Variants in NUP153 observed in about 807,000 individuals in gnomAD.
NUP153 encodes nucleoporin 153.
Under a neutral mutation model 134.6 loss-of-function variants are expected in NUP153, and 27 were observed. The ratio of observed to expected loss-of-function variants is 0.20; its 90% CI spans 0.15 to 0.28. The LOEUF (loss-of-function observed/expected upper bound fraction) is 0.28, where lower values mean the gene tolerates loss of function less well. Ranked by LOEUF, NUP153 falls within the 10% of genes least tolerant of loss-of-function variation. The probability of loss-of-function intolerance (pLI) is 1.00; values close to 1 mark genes in which losing one functional copy is unlikely to be tolerated. For missense variants in NUP153, 1,821 were observed against 1,731.3 expected, an observed-to-expected ratio of 1.05 and a Z score of -0.92; for synonymous variants, 640 against 623.5, an observed-to-expected ratio of 1.03 and a Z score of -0.40.
Position 17,625,994 on chromosome 6 carries a change from C to T in NUP153, c.3715G>A (p.Ala1239Thr). 5.6e-6 allele frequency: 9 copies of T among 1,614,198 alleles called. No individual in the cohort carries two copies. Among genetic ancestry groups the T allele is most frequent in the Non-Finnish European group, 7.6e-6 (9 of 1,180,038 alleles). The change falls in exon 19 of 22, where the codon GCC becomes ACC. Residue 1239 changes from alanine to threonine, a missense_variant. Coordinates refer to ENST00000262077, the MANE Select transcript of NUP153 (RefSeq NM_005124.4). The surrounding 1 kb of genome is among the most constrained non-coding windows in gnomAD (Gnocchi z 4.7). ...CTGGATTCAGCAGTGTTACCAAAGG[C>T]AGAGCTGCTCACAGGATTGCTGGAC... ...GQSSNPVSSS[A>T]FGNTAESSTS...
At position 17,703,216 on chromosome 6, in the gene NUP153, T is replaced by TA. The variant is rs953417967; in HGVS notation, c.111+3060dup. ...CCATCTCAAAAAAAAAAAAAAAAAT[T>TA]AAAAAAAAAATAAGTTAAAGAAGGA... On this transcript the variant is annotated intron_variant, in intron 1 of 21. Coordinates refer to ENST00000262077, the MANE Select transcript of NUP153 (RefSeq NM_005124.4). Among the ~76,000 whole-genome samples, 235 of 141,510 alleles carry TA rather than the reference T, an allele frequency of 1.7e-3. 2 individuals are homozygous for TA. In the East Asian group the frequency reaches 0.023, roughly 14 times the overall value. 92.8% of individuals were successfully genotyped at this position (141,510 alleles called of 152,430 possible). A position where few individuals can be genotyped will look rare whatever the true frequency, so the allele number is the denominator to read the frequency against.
At chr6:17,631,727 G>A (rs1293861295) in intron 17 of NUP153, among the ~76,000 whole-genome samples, 1 of 152,052 alleles carries the variant, frequency 6.6e-6, no homozygotes, top group African/African-American at 2.4e-5. Context: ...AGCACTTTGG[G>A]AGGCCGAGGC....
intron 11 of NUP153, among the ~76,000 whole-genome samples, chr6:17,657,262 C>G (rs1018946173): frequency 6.6e-6 from 1 of 151,838 alleles, no homozygotes; most frequent in South Asian, 2.1e-4. Flanking sequence ...TATTTTCTGG[C>G]TAGGCACAGT....
Position 17,625,693 on chromosome 6 carries a change from C to CA in NUP153, c.3901+114dup. ...TTAAAACAACCCTGGTATAGATGAC[C>CA]AAAAGGCATTCCCACCATTTTGTGA... On this transcript the variant is annotated intron_variant, in intron 19 of 21. Coordinates refer to ENST00000262077, the MANE Select transcript of NUP153 (RefSeq NM_005124.4). The surrounding 1 kb of genome is among the most constrained non-coding windows in gnomAD (Gnocchi z 4.7). The CA allele has an allele frequency of 2.5e-6, 2 of 793,160 alleles. No homozygotes were observed. Among genetic ancestry groups the CA allele is most frequent in the East Asian group, 2.5e-5 (1 of 40,544 alleles). 49.1% of individuals were successfully genotyped at this position (793,160 alleles called of 1,614,324 possible). A position where few individuals can be genotyped will look rare whatever the true frequency, so the allele number is the denominator to read the frequency against.
intron 2 of NUP153, among the ~76,000 whole-genome samples, chr6:17,685,572 T>A (rs916528078): frequency 6.7e-6 from 1 of 150,278 alleles, no homozygotes; most frequent in East Asian, 2.0e-4. Context: ...AAAACTGTTA[T>A]ATAAACAGTT....
chr6:17,702,925 C>G (rs750918497), intron 1 of NUP153, among the ~76,000 whole-genome samples: 1 of 122,322 alleles, frequency 8.2e-6, no homozygotes, highest in African/African-American at 2.9e-5. Flanking sequence ...TTGGGCCGGG[C>G]GCGGTGGCTC....
chr6:17,636,131 C>T (rs987248082), intron 16 of NUP153, among the ~76,000 whole-genome samples: 6 of 152,078 alleles, frequency 3.9e-5, no homozygotes, highest in African/African-American at 1.4e-4. Flanking sequence ...GTCAGGAGTC[C>T]AAGACCAGCC....
At chr6:17,681,211 TAA>T (rs57471679) in intron 2 of NUP153, among the ~76,000 whole-genome samples, 12 of 146,392 alleles carry the variant, frequency 8.2e-5, no homozygotes, top group Non-Finnish European at 9.1e-5. Context: ...GTGACAGCTT[TAA>T]AAAAAAAAAA....
At chr6:17,658,878 A>G (rs532079140) in intron 11 of NUP153, among the ~76,000 whole-genome samples, 2 of 152,158 alleles carry the variant, frequency 1.3e-5, no homozygotes, top group African/African-American at 4.8e-5. Context: ...AAACTTGCAC[A>G]CAAAAAAAGG....
intron 17 of NUP153, among the ~76,000 whole-genome samples, chr6:17,631,828 G>A (rs947427929): frequency 2.0e-5 from 3 of 152,126 alleles, no homozygotes; most frequent in East Asian, 1.9e-4. Flanking sequence ...TTAGCTAGGC[G>A]TGGTGGCAGG....
At chr6:17,674,300 G>GA (rs1768085060) in intron 5 of NUP153, among the ~76,000 whole-genome samples, 1 of 152,084 alleles carries the variant, frequency 6.6e-6, no homozygotes, top group South Asian at 2.1e-4. Flanking sequence ...CTAAAACAAT[G>GA]AAAAATTGTA....
At chr6:17,697,548 G>C (rs917201605) in intron 1 of NUP153, among the ~76,000 whole-genome samples, 3 of 152,132 alleles carry the variant, frequency 2.0e-5, no homozygotes, top group Admixed American at 2.0e-4. Context: ...TTAGCCAGGC[G>C]TGGTGGCAGG....
At chr6:17,657,963 T>C (rs1487984584) in intron 11 of NUP153, among the ~76,000 whole-genome samples, 1 of 152,244 alleles carries the variant, frequency 6.6e-6, no homozygotes, top group Non-Finnish European at 1.5e-5. Context: ...GTGGAAATGA[T>C]GTTAGACAAA....
rs759005760 is a variant in NUP153, at chr6:17,669,433, T to C, written c.966A>G (p.Leu322=). 3 of 1,612,230 alleles carry C rather than the reference T, an allele frequency of 1.9e-6. No individual in the cohort carries two copies. In the South Asian group the frequency reaches 3.3e-5, roughly 18 times the overall value. The change falls in exon 6 of 22, where the codon TTA becomes TTG. Residue 322 remains leucine (L), a synonymous_variant. Transcript: ENST00000262077. ...LQSLEKMSSP[L]ADAKRIPSIV... is the part of the protein sequence containing the mutation. ...AATCGTGATTTTAAAAATTTACCGC[T>C]AAAGGGCTTGACATCTTCTCTAAAG...
intron 8 of NUP153, among the ~76,000 whole-genome samples, chr6:17,666,719 T>C (rs1767553133): frequency 6.6e-6 from 1 of 152,244 alleles, no homozygotes; most frequent in Admixed American, 6.5e-5. Context: ...CCAACTGTTT[T>C]GTTAACAGTC....
At chr6:17,666,296 CATTTGAGGTCAGGA>C (rs1767530137) in intron 8 of NUP153, among the ~76,000 whole-genome samples, 1 of 152,134 alleles carries the variant, frequency 6.6e-6, no homozygotes, top group East Asian at 1.9e-4. Flanking sequence ...GCAGGTGGAT[CATTTGAGGTCAGGA>C]GTTTGAGACC....
At chr6:17,646,673 A>C (rs1766203878) in intron 13 of NUP153, among the ~76,000 whole-genome samples, 1 of 152,030 alleles carries the variant, frequency 6.6e-6, no homozygotes, top group Admixed American at 6.6e-5. Context: ...TTCTTTCAAA[A>C]CAGTATATAA....
chr6:17,639,901 A>G, intron 15 of NUP153, 38 bp downstream of exon 15: 2 of 1,562,730 alleles, frequency 1.3e-6, no homozygotes, highest in Non-Finnish European at 1.7e-6. Context: ...TGAGATCATG[A>G]GTTTGTAATC....
intron 1 of NUP153, among the ~76,000 whole-genome samples, chr6:17,703,096 G>T (rs542216434): frequency 6.8e-6 from 1 of 147,542 alleles, no homozygotes; most frequent in Non-Finnish European, 1.5e-5. Flanking sequence ...TACTTGGGAG[G>T]CTGAGGCAAG....
Sources: gnomAD v4.1 joint callset for allele counts (sites outside exome capture counted in the v4.1 genomes callset) on GRCh38, gnomAD v4.1.1 for gene constraint, Gnocchi (gnomAD v3.1) non-coding constraint, MANE v1.5 for transcripts, NCBI Gene and HGNC (gene_info 2026-07-23, HGNC 2026-07-21) for gene names.